Variants in RPS6KA2 observed in about 807,000 individuals in gnomAD.
RPS6KA2 encodes the protein ribosomal protein S6 kinase alpha-2.
In RPS6KA2, 42 loss-of-function variants were observed where a neutral mutation model predicts 91.8. The observed-to-expected ratio is 0.46, with a 90% confidence interval of 0.36 to 0.59. RPS6KA2 has a LOEUF of 0.59. RPS6KA2 is among the 20% of genes least tolerant of loss of function. The pLI is 0.00. For missense variants in RPS6KA2, 798 were observed against 978.5 expected (o/e 0.82, Z 2.46); for synonymous variants, 414 against 393.6 (o/e 1.05, Z -0.61).
At chr6:166,521,036 G>A (rs1043249155) in intron 3 of RPS6KA2, among the ~76,000 whole-genome samples, 8 of 152,354 alleles carry the variant, frequency 5.3e-5, no homozygotes, top group Middle Eastern at 3.4e-3. Flanking sequence ...TGCTGTCCCT[G>A]GCTGTCCCGG....
At chr6:166,451,786 G>A (rs928316044) in intron 12 of RPS6KA2, among the ~76,000 whole-genome samples, 36 of 152,248 alleles carry the variant, frequency 2.4e-4, no homozygotes, top group African/African-American at 8.7e-4. Context: ...GGCATAGTAC[G>A]AAAGGAGTAA....
intron 5 of RPS6KA2, 35 bp from the exon 6 acceptor site, chr6:166,504,647 C>T (rs780578340): frequency 9.0e-6 from 13 of 1,441,112 alleles, no homozygotes; most frequent in Admixed American, 3.6e-5. Context: ...AAACAAAAAA[C>T]GTTTAACTTG....
At chr6:166,498,255 A>C (rs7740890) in intron 8 of RPS6KA2, among the ~76,000 whole-genome samples, 11 of 152,366 alleles carry the variant, frequency 7.2e-5, no homozygotes, top group African/African-American at 2.2e-4. Flanking sequence ...AGCACAAAGC[A>C]TAAAGAGGGT....
intron 11 of RPS6KA2, chr6:166,462,864 G>C (rs1780370827): frequency 6.6e-6 from 1 of 152,400 alleles, no homozygotes; most frequent in Non-Finnish European, 1.5e-5. Flanking sequence ...TGAGGGCCAG[G>C]GCCTTCCTTC....
At chr6:166,517,771 G>A (rs529425701) in intron 3 of RPS6KA2, among the ~76,000 whole-genome samples, 22 of 152,248 alleles carry the variant, frequency 1.4e-4, no homozygotes, top group East Asian at 5.8e-4. Context: ...CACCGCGCCC[G>A]GCCCACTTAA....
At chr6:166,416,680 C>CCATTACCT (rs1778541119) in intron 19 of RPS6KA2, among the ~76,000 whole-genome samples, 1 of 37,902 alleles carries the variant, frequency 2.6e-5, no homozygotes, top group Non-Finnish European at 1.2e-4. Flanking sequence ...CATCCCTGCT[C>CCATTACCT]CCACCATTAC....
At chr6:166,589,185 C>T (rs982074943) in intron 1 of RPS6KA2, among the ~76,000 whole-genome samples, 1 of 152,242 alleles carries the variant, frequency 6.6e-6, no homozygotes, top group Non-Finnish European at 1.5e-5. Context: ...CAGTCTCCTC[C>T]TACCACCAGC....
chr6:166,847,850 G>C (rs1780644531), intron 2 of RPS6KA2, among the ~76,000 whole-genome samples: 1 of 152,126 alleles, frequency 6.6e-6, no homozygotes, highest in Non-Finnish European at 1.5e-5. Flanking sequence ...CATTGGCTTA[G>C]ATAAAGAGTT....
intron 2 of RPS6KA2, among the ~76,000 whole-genome samples, chr6:166,771,728 C>T (rs1405680040): frequency 2.0e-5 from 3 of 152,196 alleles, no homozygotes; most frequent in Admixed American, 1.3e-4. Flanking sequence ...CTGATGACTG[C>T]GGTTCAAGTG....
intron 2 of RPS6KA2, among the ~76,000 whole-genome samples, chr6:166,750,358 C>T (rs371942413): frequency 1.3e-5 from 2 of 152,096 alleles, no homozygotes; most frequent in African/African-American, 4.8e-5. Flanking sequence ...TTGGAGGCCC[C>T]GAGTCACCCC....
rs554482657 is a variant in RPS6KA2, at chr6:166,498,789, G to A, written c.605-139C>T. ...CAGCAGAGCCCTGCTCAGCAAAAGC[G>A]GGACCATGTGAGTGCTTCCCGAAGC... On this transcript the variant is annotated intron_variant, in intron 7 of 20. Transcript: ENST00000265678. 9.0e-5 allele frequency: 101 copies of A among 1,123,000 alleles called. No homozygotes were observed. In the East Asian group the frequency reaches 1.9e-3, roughly 21 times the overall value. The allele number at this position is 1,123,000 out of a possible 1,614,324, so 69.6% of individuals were successfully genotyped here. A position where few individuals can be genotyped will look rare whatever the true frequency, so the allele number is the denominator to read the frequency against.
intron 13 of RPS6KA2, among the ~76,000 whole-genome samples, chr6:166,449,089 GT>G (rs769805502): frequency 2.6e-4 from 40 of 152,274 alleles, no homozygotes; most frequent in Non-Finnish European, 5.0e-4. Flanking sequence ...ACACCAGGCC[GT>G]TCTGTGTCCA....
At chr6:166,663,415 C>T (rs1788216850) in intron 2 of RPS6KA2, among the ~76,000 whole-genome samples, 1 of 152,186 alleles carries the variant, frequency 6.6e-6, no homozygotes, top group Non-Finnish European at 1.5e-5. Context: ...GCTTTGCACC[C>T]TGAGAAAGCA....
rs868499992 is a variant in RPS6KA2 at position 166,732,062 on chromosome 6, G to A, written c.123+126138C>T. ...AGGAGACGGGAAGGGATGGGATTGG[G>A]GAGAAATAACAAAACTGGAATACCT... On this transcript the variant is annotated intron_variant, in intron 2 of 21. Transcript: ENST00000503859. This position sits in a 1 kb window ranked among gnomAD's most constrained non-coding sequence, Gnocchi z 4.0. Among the ~76,000 whole-genome samples, 170 of 152,182 alleles carry A rather than the reference G, an allele frequency of 1.1e-3. No individual in the cohort carries two copies. Among genetic ancestry groups the A allele is most frequent in the Non-Finnish European group, 1.5e-3 (99 of 68,008 alleles).
chr6:166,700,955 G>A (rs1789496973), intron 2 of RPS6KA2: 1 of 688,962 alleles, frequency 1.5e-6, no homozygotes, highest in Non-Finnish European at 2.6e-6. Context: ...GAGTTCAAAA[G>A]TTGCCTGGTC....
Position 166,613,262 on chromosome 6 carries a change from G to A in RPS6KA2, c.99+13659C>T, listed in dbSNP as rs561858046. Reference sequence around the variant, plus strand: ...CTGCTGATTTGTAGCTCAGCCTGTCGCCACCATTCAGGCGGCTGGGGTGCA... The same window carrying A: ...CTGCTGATTTGTAGCTCAGCCTGTCACCACCATTCAGGCGGCTGGGGTGCA... On this transcript the variant is annotated intron_variant, in intron 1 of 20. Coordinates refer to ENST00000265678, the MANE Select transcript of RPS6KA2 (RefSeq NM_021135.6). Among the ~76,000 whole-genome samples the A allele has an allele frequency of 1.3e-4, 20 of 152,366 alleles. No individual in the cohort carries two copies. In the East Asian group the frequency reaches 3.7e-3, roughly 28 times the overall value.
intron 2 of RPS6KA2, among the ~76,000 whole-genome samples, chr6:166,846,253 G>A (rs1195085128): frequency 6.6e-6 from 1 of 151,906 alleles, no homozygotes; most frequent in Non-Finnish European, 1.5e-5. Context: ...AGAACCAGAT[G>A]TATTCACAGT....
At chr6:166,516,102 C>T (rs931618613) in intron 3 of RPS6KA2, among the ~76,000 whole-genome samples, 3 of 152,214 alleles carry the variant, frequency 2.0e-5, no homozygotes, top group Admixed American at 6.5e-5. Context: ...GCTGTCAGGA[C>T]CTCCTGAGGC....
chr6:166,757,174 A>G (rs1175091514), intron 2 of RPS6KA2, among the ~76,000 whole-genome samples: 3 of 152,172 alleles, frequency 2.0e-5, no homozygotes, highest in Admixed American at 1.3e-4. Flanking sequence ...GTAAAAATAA[A>G]CGTCAGCTTT....
Sources: gnomAD v4.1 joint callset for allele counts (sites outside exome capture counted in the v4.1 genomes callset) on GRCh38, gnomAD v4.1.1 for gene constraint, Gnocchi (gnomAD v3.1) non-coding constraint, MANE v1.5 for transcripts, NCBI Gene and HGNC (gene_info 2026-07-23, HGNC 2026-07-21) for gene names.